TK2: variants seen among roughly 807,000 people sequenced by gnomAD.
TK2 encodes the protein thymidine kinase 2.
A neutral mutation model predicts 41.9 loss-of-function variants in TK2; 35 were observed. The observed-to-expected ratio is 0.84, with a 90% confidence interval of 0.64 to 1.11. The LOEUF is 1.11. Among genes scored for constraint, TK2 ranks in the 50% least tolerant of loss-of-function variants. TK2 has a pLI of 0.00. For synonymous variants in TK2, 128 were observed against 129.1 expected, an observed-to-expected ratio of 0.99 and a Z score of 0.06; for missense variants, 320 against 351.1, an observed-to-expected ratio of 0.91 and a Z score of 0.71.
chr16:66,541,730 A>C (rs1597105942), intron 3 of TK2, 149 bp downstream of exon 3: 1 of 801,652 alleles, frequency 1.2e-6, no homozygotes, highest in Non-Finnish European at 2.0e-6. Flanking sequence ...TTGTTTTTTT[A>C]ATGAGGATAT....
At position 66,517,405 on chromosome 16, in the gene TK2, C is replaced by T. The variant is rs1446258533; in HGVS notation, c.539-190G>A. ...TTCAGTGTCAGCGGCCCCGTGGGGT[C>T]GTTTTGAGGCTGAATGGGATTCTGT... On this transcript the variant is annotated intron_variant, in intron 7 of 9. Coordinates refer to ENST00000544898, the MANE Select transcript of TK2 (RefSeq NM_004614.5). The surrounding 1 kb of genome is among the most constrained non-coding windows in gnomAD (Gnocchi z 4.3). The T allele has an allele frequency of 3.0e-6, 2 of 667,916 alleles. No individual in the cohort carries two copies. Among genetic ancestry groups the T allele is most frequent in the Non-Finnish European group, 5.4e-6 (2 of 369,840 alleles). 41.4% of individuals were successfully genotyped at this position (667,916 alleles called of 1,614,324 possible). A position where few individuals can be genotyped will look rare whatever the true frequency, so the allele number is the denominator to read the frequency against.
chr16:66,538,640 C>T (rs530693005), intron 3 of TK2, among the ~76,000 whole-genome samples: 7 of 152,328 alleles, frequency 4.6e-5, no homozygotes, highest in African/African-American at 1.4e-4. Context: ...GGGAAGCAGA[C>T]ATTACTCAGG....
chr16:66,550,132 G>T (rs185357812), upstream of TK2: 27 of 1,612,336 alleles, frequency 1.7e-5, no homozygotes, highest in East Asian at 3.1e-4. Flanking sequence ...TGCTAGTCCA[G>T]CCGTTGGGCG....
At chr16:66,538,384 CCTT>C (rs990833481) in intron 3 of TK2, among the ~76,000 whole-genome samples, 1 of 152,164 alleles carries the variant, frequency 6.6e-6, no homozygotes, top group African/African-American at 2.4e-5. Context: ...AACCCCCTCT[CCTT>C]CTTCTAGGTC....
intron 4 of TK2, among the ~76,000 whole-genome samples, chr16:66,533,514 C>T (rs1965183329): frequency 1.3e-5 from 2 of 151,822 alleles, no homozygotes; most frequent in South Asian, 2.1e-4. Context: ...TGTGCCACTG[C>T]ACTCCAGCTT....
In TK2 at chr16:66,511,495, A is replaced by G; in HGVS notation, c.*473T>C. On this transcript the variant is annotated 3_prime_UTR_variant, in exon 10 of 10. Coordinates refer to ENST00000544898, the MANE Select transcript of TK2 (RefSeq NM_004614.5). ...AGGGAAAGTTGCTGAGTCGGCTGAA[A>G]GTCTGAATGGTGCCAGCTCCACTGC... 1 of 241,862 alleles carries G rather than the reference A, an allele frequency of 4.1e-6. No individual in the cohort carries two copies. The highest frequency in any genetic ancestry group is 8.2e-6 in the Non-Finnish European group (1 of 121,230). 15.0% of individuals were successfully genotyped at this position (241,862 alleles called of 1,614,324 possible). A position where few individuals can be genotyped will look rare whatever the true frequency, so the allele number is the denominator to read the frequency against.
chr16:66,511,302 A>G lies in TK2; in HGVS notation c.*666T>C, dbSNP rs1172919033. 1 of 155,902 alleles carries G rather than the reference A, an allele frequency of 6.4e-6. No individual in the cohort carries two copies. Among genetic ancestry groups the G allele is most frequent in the Non-Finnish European group, 1.4e-5 (1 of 70,354 alleles). 9.7% of individuals were successfully genotyped at this position (155,902 alleles called of 1,614,324 possible). On this transcript the variant is annotated 3_prime_UTR_variant, in exon 10 of 10. Transcript: ENST00000544898. ...ACCGGGCTCCAGCCAAATGCAGCAT[A>G]ATTTTGTGGAAGTCTAGAAATGCTG...
intron 6 of TK2, among the ~76,000 whole-genome samples, chr16:66,527,703 C>T (rs1175475221): frequency 2.0e-5 from 3 of 152,112 alleles, no homozygotes; most frequent in African/African-American, 7.2e-5. Context: ...GCCTTAAATA[C>T]TACAAAGAAA....
intron 2 of TK2, among the ~76,000 whole-genome samples, chr16:66,545,753 G>A (rs376124953): frequency 8.6e-5 from 13 of 151,846 alleles, no homozygotes; most frequent in South Asian, 2.1e-4. Context: ...GAACCCTGGC[G>A]GCGGAGGTTG....
At chr16:66,540,113 T>A (rs1386575232) in intron 3 of TK2, among the ~76,000 whole-genome samples, 5 of 152,186 alleles carry the variant, frequency 3.3e-5, no homozygotes, top group Non-Finnish European at 7.3e-5. Context: ...ACAAGGGCTA[T>A]ATAATGTTTA....
At chr16:66,513,395 C>T (rs1964508636) in intron 9 of TK2, among the ~76,000 whole-genome samples, 1 of 152,156 alleles carries the variant, frequency 6.6e-6, no homozygotes, top group African/African-American at 2.4e-5. Context: ...GTGTCATCCA[C>T]GGAAGGAGGA....
chr16:66,548,768 T>C (rs114825276), intron 2 of TK2: 6 of 583,930 alleles, frequency 1.0e-5, no homozygotes, highest in African/African-American at 9.3e-5. Context: ...ACTTGTGTGC[T>C]CCTATCTGTG....
intron 1 of TK2, 151 bp from the exon 2 acceptor site, chr16:66,549,160 C>CA (rs1965700673): frequency 6.6e-7 from 1 of 1,505,012 alleles, no homozygotes; most frequent in African/African-American, 1.4e-5. Flanking sequence ...AGATTGGAGG[C>CA]GCGCACCACC....
At chr16:66,534,566 A>C (rs1243706088) in intron 4 of TK2, among the ~76,000 whole-genome samples, 1 of 152,178 alleles carries the variant, frequency 6.6e-6, no homozygotes, top group African/African-American at 2.4e-5. Context: ...ACATGAGCTT[A>C]CTTAGCATTC....
At chr16:66,535,577 T>A (rs1965251990) in intron 4 of TK2, among the ~76,000 whole-genome samples, 1 of 152,192 alleles carries the variant, frequency 6.6e-6, no homozygotes, top group Non-Finnish European at 1.5e-5. Context: ...TTAAGAAACA[T>A]CCTTTCACCT....
chr16:66,547,364 G>A (rs1234349775), intron 2 of TK2, among the ~76,000 whole-genome samples: 1 of 152,144 alleles, frequency 6.6e-6, no homozygotes, highest in African/African-American at 2.4e-5. Flanking sequence ...AACCCGGATC[G>A]TGCTGGGTGG....
rs529926489 is a variant in TK2, at chr16:66,521,231, G to A, written c.450-3354C>T. Among the ~76,000 whole-genome samples the A allele has an allele frequency of 1.9e-3, 293 of 152,332 alleles. 3 individuals are homozygous for A. Among genetic ancestry groups the A allele is most frequent in the African/African-American group, 6.5e-3 (272 of 41,562 alleles). ...CCACTGCAAAACAGTCACAGTACAC[G>A]GGGGTCTGCACATGGAGACATGGGG... On this transcript the variant is annotated intron_variant, in intron 6 of 9. Coordinates refer to ENST00000544898, the MANE Select transcript of TK2 (RefSeq NM_004614.5).
chr16:66,531,165 G>A (rs1965098453), intron 5 of TK2, among the ~76,000 whole-genome samples: 1 of 152,208 alleles, frequency 6.6e-6, no homozygotes, highest in Admixed American at 6.5e-5. Context: ...GGTGGCAGGG[G>A]CACCACCTGG....
At chr16:66,513,991 G>A in intron 8 of TK2, 180 bp from the exon 9 acceptor site, 2 of 680,482 alleles carry the variant, frequency 2.9e-6, no homozygotes, top group South Asian at 3.0e-5. Context: ...ACACTCGGTG[G>A]CCAGGCTGAG....
Sources: gnomAD v4.1 joint callset for allele counts (sites outside exome capture counted in the v4.1 genomes callset) on GRCh38, gnomAD v4.1.1 for gene constraint, Gnocchi (gnomAD v3.1) non-coding constraint, MANE v1.5 for transcripts, NCBI Gene and HGNC (gene_info 2026-07-23, HGNC 2026-07-21) for gene names.